The following CREBBP variants were observed in gnomAD, a reference collection of about 807,000 sequenced individuals.
The protein encoded by CREBBP is CREB-binding protein.
CREBBP carries 19 observed loss-of-function variants against 265.0 expected under a neutral mutation model. The observed-to-expected ratio is 0.07, with a 90% confidence interval of 0.05 to 0.11. The LOEUF (loss-of-function observed/expected upper bound fraction) is 0.11, where lower values mean the gene tolerates loss of function less well. Ranked by LOEUF, CREBBP falls within the 10% of genes least tolerant of loss-of-function variation. The probability of loss-of-function intolerance (pLI) is 1.00; values close to 1 mark genes in which losing one functional copy is unlikely to be tolerated. For missense variants in CREBBP, 2,525 were observed against 3,219.0 expected (o/e 0.78, Z 5.22); for synonymous variants, 1,457 against 1,223.7 (o/e 1.19, Z -3.98).
rs1254825471 is a variant in CREBBP at position 3,725,376 on chromosome 16, C to T, written c.*2342G>A. 8.6e-6 allele frequency: 2 copies of T among 233,210 alleles called. No individual in the cohort carries two copies. Among genetic ancestry groups the T allele is most frequent in the East Asian group, 1.2e-4 (2 of 16,602 alleles). The allele number at this position is 233,210 out of a possible 1,614,324, so 14.4% of individuals were successfully genotyped here. On this transcript the variant is annotated 3_prime_UTR_variant, in exon 31 of 31. Coordinates refer to ENST00000262367, the MANE Select transcript of CREBBP (RefSeq NM_004380.3). ...CCTGAAACAGAGGCCCCTCCACTGC[C>T]CACATTAAAAGGCTGCACAACCAGG...
At chr16:3,859,260 T>C (rs2055024736) in intron 1 of CREBBP, among the ~76,000 whole-genome samples, 1 of 152,176 alleles carries the variant, frequency 6.6e-6, no homozygotes, top group Non-Finnish European at 1.5e-5. Context: ...TGGCACGATC[T>C]TGGCTCACTG....
chr16:3,728,249 A>C lies in CREBBP; in HGVS notation c.6798T>G (p.Ala2266=). The C allele has an allele frequency of 1.2e-6, 2 of 1,612,656 alleles. No homozygotes were observed. The highest frequency in any genetic ancestry group is 1.7e-6 in the Non-Finnish European group (2 of 1,179,760). The change falls in exon 31 of 31, where the codon GCT becomes GCG. Residue 2266 remains alanine (A), a synonymous_variant. Coordinates refer to ENST00000262367, the MANE Select transcript of CREBBP (RefSeq NM_004380.3). This position sits in a 1 kb window ranked among gnomAD's most constrained non-coding sequence, Gnocchi z 8.7. ...CCATCTGGCCAAGCTGTCCCATCTG[A>C]GCCGCCATCTGGCCCATGGAGCTGC... ...LQGSSMGQMA[A]QMGQLGQMGQ... is the part of the protein sequence containing the mutation.
rs747187975 is a variant in CREBBP at position 3,781,295 on chromosome 16, T to C, written c.1585A>G (p.Met529Val). ...RTLNPLGNNP[M>V]NIPAGGITTD... is the part of the protein sequence containing the mutation. ...GTTATTCCTCCTGCTGGAATGTTCATTGGATTATTTCCTTTAAAGACAGAA... is the reference window on the plus strand; with the variant it reads ...GTTATTCCTCCTGCTGGAATGTTCACTGGATTATTTCCTTTAAAGACAGAA... The change falls in exon 7 of 31, where the codon ATG (methionine) becomes GTG (valine). Residue 529 changes from methionine (M) to valine (V), a missense_variant. Transcript: ENST00000262367. The C allele has an allele frequency of 3.1e-6, 5 of 1,613,432 alleles. No homozygotes were observed. In the East Asian group the frequency reaches 6.7e-5, roughly 22 times the overall value.
chr16:3,739,736 G>C lies in CREBBP; in HGVS notation c.4134-12C>G, dbSNP rs2052155599. 3 of 1,614,108 alleles carry C rather than the reference G, an allele frequency of 1.9e-6. No homozygotes were observed. The highest frequency in any genetic ancestry group is 1.3e-5 in the African/African-American group (1 of 74,936). The stretch of plus-strand genomic sequence containing the variant: ...CAGAATCCACAAACCTGAAACAAAA[G>C]CCAGAGCCGGACATTTACAAAGGCT... On this transcript the variant is annotated splice_polypyrimidine_tract_variant and intron_variant, in intron 24 of 30. Coordinates refer to ENST00000262367, the MANE Select transcript of CREBBP (RefSeq NM_004380.3).
intron 1 of CREBBP, among the ~76,000 whole-genome samples, chr16:3,851,306 T>TTAAA (rs1491274953): frequency 9.1e-5 from 7 of 76,506 alleles, no homozygotes; most frequent in African/African-American, 3.0e-4. Context: ...AAAAAAAAAT[T>TTAAA]AAAAAAAAAA....
At chr16:3,857,371 G>C (rs1350888574) in intron 1 of CREBBP, among the ~76,000 whole-genome samples, 1 of 152,122 alleles carries the variant, frequency 6.6e-6, no homozygotes, top group Admixed American at 6.6e-5. Flanking sequence ...AAATATACAG[G>C]TGTGGCTTTT....
chr16:3,767,012 A>G (rs1197785745), intron 16 of CREBBP, among the ~76,000 whole-genome samples: 1 of 152,092 alleles, frequency 6.6e-6, no homozygotes, highest in Non-Finnish European at 1.5e-5. Flanking sequence ...ATCTTTCCCA[A>G]AAGTGTCATC....
intron 2 of CREBBP, among the ~76,000 whole-genome samples, chr16:3,847,556 CAA>C (rs1381883496): frequency 6.6e-6 from 1 of 152,176 alleles, no homozygotes; most frequent in African/African-American, 2.4e-5. Flanking sequence ...CTATAGGAAA[CAA>C]GAGACAACTG....
chr16:3,848,018 AAGTT>A (rs989914439), intron 2 of CREBBP, among the ~76,000 whole-genome samples: 37 of 152,066 alleles, frequency 2.4e-4, no homozygotes, highest in African/African-American at 7.7e-4. Flanking sequence ...AAAATATAAA[AAGTT>A]AGCCGGGAGC....
chr16:3,755,975 T>A (rs1214871413), intron 19 of CREBBP, among the ~76,000 whole-genome samples: 1 of 152,140 alleles, frequency 6.6e-6, no homozygotes, highest in Non-Finnish European at 1.5e-5. Flanking sequence ...AAAAGGATTT[T>A]TTTTAAAAAT....
Position 3,850,363 on chromosome 16 carries a change from C to T in CREBBP, c.732G>A (p.Thr244=), listed in dbSNP as rs374065235. Residue 244 remains threonine (T), a synonymous_variant, in exon 2 of 31, where the codon ACG becomes ACA. Transcript: ENST00000262367. The stretch of plus-strand genomic sequence containing the variant: ...GACCAGTCATTTGCGGGGAAACCTG[C>T]GTTAGGGTCTCAGCCAGCACGCTGC... ...ASSSVLAETL[T]QVSPQMTGHA... 10 of 1,614,116 alleles carry T rather than the reference C, an allele frequency of 6.2e-6. No homozygotes were observed. In the African/African-American group the frequency reaches 6.7e-5, roughly 11 times the overall value.
chr16:3,768,155 T>TTG, intron 15 of CREBBP, among the ~76,000 whole-genome samples: 2 of 121,590 alleles, frequency 1.6e-5, no homozygotes, highest in Admixed American at 1.6e-4. Context: ...TTTTTTTTTT[T>TTG]TTTTTTTTTT....
At chr16:3,816,454 T>C (rs1308107223) in intron 2 of CREBBP, among the ~76,000 whole-genome samples, 11 of 152,174 alleles carry the variant, frequency 7.2e-5, no homozygotes, top group Admixed American at 1.3e-4. Context: ...TGAGCTCTGA[T>C]GAGGAAATTC....
chr16:3,747,879 G>T (rs1283161603), intron 21 of CREBBP, among the ~76,000 whole-genome samples: 1 of 152,148 alleles, frequency 6.6e-6, no homozygotes, highest in Non-Finnish European at 1.5e-5. Flanking sequence ...CACGAGGTCA[G>T]GAGATCGAGA....
In CREBBP at chr16:3,753,843, G is replaced by C. The variant is rs563998044; in HGVS notation, c.3699-2037C>G. On this transcript the variant is annotated intron_variant, in intron 19 of 30. Coordinates refer to ENST00000262367, the MANE Select transcript of CREBBP (RefSeq NM_004380.3). Reference sequence around the variant, plus strand: ...CACGCAGAACTATGGCCAACTAGAAGGGACCGTTCAAGACATTCTGAAATG... The same window carrying C: ...CACGCAGAACTATGGCCAACTAGAACGGACCGTTCAAGACATTCTGAAATG... 1.4e-4 allele frequency among the ~76,000 whole-genome samples: 22 copies of C among 152,280 alleles called. No individual in the cohort carries two copies. The South Asian group carries it at 2.3e-3, about 16-fold the overall frequency.
At position 3,738,058 on chromosome 16, in the gene CREBBP, T is replaced by C. The variant is rs566325844; in HGVS notation, c.4394+501A>G. Among the ~76,000 whole-genome samples, 18 of 152,050 alleles carry C rather than the reference T, an allele frequency of 1.2e-4. No individual in the cohort carries two copies. In the East Asian group the frequency reaches 2.9e-3, roughly 25 times the overall value. Reference sequence around the variant, plus strand: ...GCCTCGGCCTCCCAAAGTGCTGAGATTACAGGTGTGAGCCACCGCGCCCGG... The same window carrying C: ...GCCTCGGCCTCCCAAAGTGCTGAGACTACAGGTGTGAGCCACCGCGCCCGG... On this transcript the variant is annotated intron_variant, in intron 26 of 30. Transcript: ENST00000262367.
chr16:3,762,166 A>AGC (rs1331621766), intron 16 of CREBBP, among the ~76,000 whole-genome samples: 2 of 152,136 alleles, frequency 1.3e-5, no homozygotes, highest in African/African-American at 4.8e-5. Flanking sequence ...GAGGAGTGGT[A>AGC]ACAGAGGCCT....
intron 3 of CREBBP, among the ~76,000 whole-genome samples, chr16:3,794,155 A>C (rs1290837816): frequency 6.6e-6 from 1 of 151,942 alleles, no homozygotes; most frequent in African/African-American, 2.4e-5. Flanking sequence ...ATGAGACCTC[A>C]TCTCTACTAA....
intron 2 of CREBBP, among the ~76,000 whole-genome samples, chr16:3,830,949 T>C (rs538639119): frequency 6.6e-6 from 1 of 152,286 alleles, no homozygotes; most frequent in African/African-American, 2.4e-5. Flanking sequence ...AGCCTGGCTA[T>C]TAATTTTTTT....
Sources: allele counts gnomAD v4.1 joint callset (sites outside exome capture counted in the v4.1 genomes callset), GRCh38; gene constraint gnomAD v4.1.1; non-coding constraint Gnocchi (gnomAD v3.1); transcripts MANE v1.5; gene names NCBI Gene and HGNC (gene_info 2026-07-23, HGNC 2026-07-21).